The following TMEM151A variants were observed in gnomAD, a reference collection of about 807,000 sequenced individuals.
TMEM151A encodes transmembrane protein 151.
In TMEM151A, 21 loss-of-function variants were observed where a neutral mutation model predicts 33.7. The ratio of observed to expected loss-of-function variants is 0.62; its 90% confidence interval spans 0.44 to 0.90. The LOEUF (loss-of-function observed/expected upper bound fraction) is 0.90, where lower values mean the gene tolerates loss of function less well. Ranked by LOEUF, TMEM151A falls within the 40% of genes least tolerant of loss-of-function variation. TMEM151A has a pLI of 0.00. For synonymous variants in TMEM151A, 374 were observed against 330.3 expected (o/e 1.13, Z -1.43); for missense variants, 704 against 697.7 (o/e 1.01, Z -0.10).
rs1565190102 is a variant in TMEM151A, at chr11:66,294,529, TCCGATGGCTA to T, written c.286_295del (p.Asp96CysfsTer40). The T allele has an allele frequency of 6.2e-7, 1 of 1,612,134 alleles. No individual in the cohort carries two copies. The highest frequency in any genetic ancestry group is 8.5e-7 in the Non-Finnish European group (1 of 1,179,220). ...ACCGACCTACCCGGCCAGCCCCTGC[TCCGATGGCTA>T]CCTGTACATCCCGCTGGCCTTCGTC... On this transcript the variant is annotated frameshift_variant, in exon 2 of 2. Transcript: ENST00000327259. LOFTEE classifies it high-confidence loss of function.
In TMEM151A at chr11:66,295,596, G is replaced by T; in HGVS notation, c.1350G>T (p.Pro450=). 3.2e-6 allele frequency: 5 copies of T among 1,544,520 alleles called. No homozygotes were observed. Among genetic ancestry groups the T allele is most frequent in the Non-Finnish European group, 2.6e-6 (3 of 1,147,804 alleles). ...GCTATGAGGACGCCCTCTACTTCCC[G>T]GTGCTCATTGTCCACGGAGACAGCG... ...PPCYEDALYF[P]VLIVHGDSGC... Residue 450 remains proline, a synonymous_variant, in exon 2 of 2, where the codon CCG becomes CCT. Coordinates refer to ENST00000327259, the MANE Select transcript of TMEM151A (RefSeq NM_153266.4).
Position 66,294,666 on chromosome 11 carries a change from C to T in TMEM151A, c.420C>T (p.Arg140=). ...TDAHTVLALI[R]RLQQAPPCVW... ...CCCACACGGTGCTGGCGCTGATCCGCCGGCTGCAGCAGGCGCCGCCGTGCG... is the reference window on the plus strand; with the variant it reads ...CCCACACGGTGCTGGCGCTGATCCGTCGGCTGCAGCAGGCGCCGCCGTGCG... Residue 140 remains arginine, a synonymous_variant, in exon 2 of 2, where the codon CGC becomes CGT. Coordinates refer to ENST00000327259, the MANE Select transcript of TMEM151A (RefSeq NM_153266.4). The T allele has an allele frequency of 1.9e-6, 3 of 1,601,276 alleles. No homozygotes were observed. The highest frequency in any genetic ancestry group is 2.6e-6 in the Non-Finnish European group (3 of 1,174,512).
At position 66,292,485 on chromosome 11, in the gene TMEM151A, G is replaced by A. The variant is rs999219125; in HGVS notation, c.75+397G>A. 1.3e-5 allele frequency among the ~76,000 whole-genome samples: 2 copies of A among 152,178 alleles called. No individual in the cohort carries two copies. The highest frequency in any genetic ancestry group is 2.9e-5 in the Non-Finnish European group (2 of 68,020). On this transcript the variant is annotated intron_variant, in intron 1 of 1. Coordinates refer to ENST00000327259, the MANE Select transcript of TMEM151A (RefSeq NM_153266.4). The surrounding 1 kb of genome is among the most constrained non-coding windows in gnomAD (Gnocchi z 4.7). Reference sequence around the variant, plus strand: ...CAGCGCCTGCAATGCAGCAGCAGTCGCAGAGCCTAGAGGGGAGGAGGGGAA... The same window carrying A: ...CAGCGCCTGCAATGCAGCAGCAGTCACAGAGCCTAGAGGGGAGGAGGGGAA...
chr11:66,291,959 T>TCC lies in TMEM151A; in HGVS notation c.-50_-49dup. 2 of 1,416,342 alleles carry TCC rather than the reference T, an allele frequency of 1.4e-6. No individual in the cohort carries two copies. The highest frequency in any genetic ancestry group is 1.9e-6 in the Non-Finnish European group (2 of 1,068,600). 87.7% of individuals were successfully genotyped at this position (1,416,342 alleles called of 1,614,324 possible). A position where few individuals can be genotyped will look rare whatever the true frequency, so the allele number is the denominator to read the frequency against. Reference sequence around the variant, plus strand: ...GGGGCCGCGTCGCAGCCCTCCGTGCTCCCCCCTATCATGCCCGGTGCCCAG... The same window carrying TCC: ...GGGGCCGCGTCGCAGCCCTCCGTGCTCCCCCCCCTATCATGCCCGGTGCCCAG... On this transcript the variant is annotated 5_prime_UTR_variant, in exon 1 of 2. Coordinates refer to ENST00000327259, the MANE Select transcript of TMEM151A (RefSeq NM_153266.4).
Position 66,295,722 on chromosome 11 carries a change from T to G in TMEM151A, c.*69T>G. The G allele has an allele frequency of 7.6e-7, 1 of 1,324,164 alleles. No individual in the cohort carries two copies. The highest frequency in any genetic ancestry group is 9.7e-7 in the Non-Finnish European group (1 of 1,027,920). 82.0% of individuals were successfully genotyped at this position (1,324,164 alleles called of 1,614,324 possible). A position where few individuals can be genotyped will look rare whatever the true frequency, so the allele number is the denominator to read the frequency against. On this transcript the variant is annotated 3_prime_UTR_variant, in exon 2 of 2. Transcript: ENST00000327259. The stretch of plus-strand genomic sequence containing the variant: ...CCATGGGCTTAGATGCCCGAGTGAT[T>G]GTTGTCCAAAACAGGCGGGAAAACA...
In TMEM151A at chr11:66,294,330, C is replaced by T; in HGVS notation, c.84C>T (p.Pro28=). Residue 28 remains proline, a synonymous_variant, in exon 2 of 2, where the codon CCC becomes CCT. Transcript: ENST00000327259. The part of the protein sequence containing the change: ...DGEPLREEQR[P]LKQSLGSSLC... ...TCTCTGCCCACCTGCAGCAGCGGCC[C>T]CTGAAACAGTCCCTGGGAAGCTCCC... 1 of 1,608,244 alleles carries T rather than the reference C, an allele frequency of 6.2e-7. No individual in the cohort carries two copies. Among genetic ancestry groups the T allele is most frequent in the African/African-American group, 1.3e-5 (1 of 75,026 alleles).
Position 66,295,400 on chromosome 11 carries a change from G to C in TMEM151A, c.1154G>C (p.Ser385Thr). The C allele has an allele frequency of 6.5e-7, 1 of 1,526,766 alleles. No individual in the cohort carries two copies. The highest frequency in any genetic ancestry group is 8.8e-7 in the Non-Finnish European group (1 of 1,138,284). The allele number at this position is 1,526,766 out of a possible 1,614,324, so 94.6% of individuals were successfully genotyped here. Residue 385 changes from serine to threonine, a missense_variant, in exon 2 of 2, where the codon AGC (serine) becomes ACC (threonine). By Grantham distance (58) the Ser-to-Thr change is moderately conservative (BLOSUM62 1). Coordinates refer to ENST00000327259, the MANE Select transcript of TMEM151A (RefSeq NM_153266.4). Reference sequence around the variant, plus strand: ...TGCCAGCGCTGCCGCCGCTCTGTCAGCAGCAACTCGCTGCCCCCCGCCCGG... The same window carrying C: ...TGCCAGCGCTGCCGCCGCTCTGTCACCAGCAACTCGCTGCCCCCCGCCCGG... The part of the protein sequence containing the change: ...RGCQRCRRSV[S>T]SNSLPPARPS...
chr11:66,294,207 C>T, intron 1 of TMEM151A, 115 bp from the exon 2 acceptor site: 1 of 1,481,520 alleles, frequency 6.7e-7, no homozygotes. Flanking sequence ...CCTCAGTTTC[C>T]TCCTCTGTAA....
Position 66,295,012 on chromosome 11 carries a change from C to A in TMEM151A, c.766C>A (p.Arg256Ser). 4 of 1,596,086 alleles carry A rather than the reference C, an allele frequency of 2.5e-6. No individual in the cohort carries two copies. Among genetic ancestry groups the A allele is most frequent in the Non-Finnish European group, 3.4e-6 (4 of 1,177,778 alleles). ...GGGCCTGGACGACTATCTGGAGGCGCGCGAGGGCATGCACCTGAAGGACGT... is the reference window on the plus strand; with the variant it reads ...GGGCCTGGACGACTATCTGGAGGCGAGCGAGGGCATGCACCTGAAGGACGT... The part of the protein sequence containing the change: ...NEGLDDYLEA[R>S]EGMHLKDVDF... The change falls in exon 2 of 2, where the codon CGC (arginine) becomes AGC (serine). Residue 256 changes from arginine (R) to serine (S), a missense_variant. Around this residue, in one of 3 missense-constraint regions of TMEM151A, gnomAD observed 398 missense variants for 356.0 expected, o/e 1.12. Transcript: ENST00000327259.
In TMEM151A at chr11:66,293,099, C is replaced by T. The variant is rs1480732731; in HGVS notation, c.75+1011C>T. ...CGAGGGTCTGGAGTTTCCTGGGTGA[C>T]AGGCAGTGTGGCCCTCCACGGTGGG... is the stretch of plus-strand genomic sequence containing the variant. On this transcript the variant is annotated intron_variant, in intron 1 of 1. Coordinates refer to ENST00000327259, the MANE Select transcript of TMEM151A (RefSeq NM_153266.4). Among the ~76,000 whole-genome samples, 4 of 152,042 alleles carry T rather than the reference C, an allele frequency of 2.6e-5. No individual in the cohort carries two copies. The East Asian group carries it at 7.7e-4, about 29-fold the overall frequency.
Sources: gnomAD v4.1 joint callset for allele counts (sites outside exome capture counted in the v4.1 genomes callset) on GRCh38, gnomAD v4.1.1 for gene constraint, gnomAD v4.1.1 regional missense constraint, Gnocchi (gnomAD v3.1) non-coding constraint, MANE v1.5 for transcripts, NCBI Gene and HGNC (gene_info 2026-07-23, HGNC 2026-07-21) for gene names.